The following ITSN1 variants were observed in gnomAD, a reference collection of about 807,000 sequenced individuals.
ITSN1 encodes the protein intersectin-1.
ITSN1 carries 58 observed loss-of-function variants against 239.8 expected under a neutral mutation model. The ratio of observed to expected loss-of-function variants is 0.24; its 90% CI spans 0.20 to 0.30. ITSN1 has a LOEUF of 0.30. Ranked by LOEUF, ITSN1 falls within the 10% of genes least tolerant of loss-of-function variation. ITSN1 has a pLI of 1.00. For synonymous variants in ITSN1, 780 were observed against 770.8 expected (o/e 1.01, Z -0.20); for missense variants, 1,558 against 2,103.3 (o/e 0.74, Z 5.07).
intron 1 of ITSN1, among the ~76,000 whole-genome samples, chr21:33,678,561 ACAG>A (rs2090737060): frequency 6.6e-6 from 1 of 152,180 alleles, no homozygotes; most frequent in East Asian, 1.9e-4. Context: ...CACTTTAATC[ACAG>A]CAGCTCAGCT....
intron 1 of ITSN1, among the ~76,000 whole-genome samples, chr21:33,692,118 C>T (rs1203314146): frequency 6.6e-6 from 1 of 152,164 alleles, no homozygotes; most frequent in East Asian, 1.9e-4. Context: ...AGGCTGAAGA[C>T]AGGAGGGGAC....
intron 20 of ITSN1, 94 bp downstream of exon 20, chr21:33,802,538 G>A: frequency 7.9e-7 from 1 of 1,271,106 alleles, no homozygotes; most frequent in South Asian, 1.2e-5. Flanking sequence ...CGTATCTCTG[G>A]GTGTTGTTGC....
At chr21:33,745,540 T>C (rs774870548) in intron 5 of ITSN1, among the ~76,000 whole-genome samples, 3 of 152,222 alleles carry the variant, frequency 2.0e-5, no homozygotes, top group Non-Finnish European at 4.4e-5. Flanking sequence ...GCTTCAGATA[T>C]GAAGCAGAAG....
intron 1 of ITSN1, among the ~76,000 whole-genome samples, chr21:33,697,621 CTA>C (rs1188024340): frequency 2.0e-5 from 3 of 152,090 alleles, no homozygotes; most frequent in Non-Finnish European, 4.4e-5. Flanking sequence ...TAATTTGAAT[CTA>C]TTCCATAACT....
rs959417352 is a variant in ITSN1, at chr21:33,756,304, A to G, written c.724+907A>G. Among the ~76,000 whole-genome samples the G allele has an allele frequency of 1.5e-3, 232 of 151,580 alleles. 1 individual carries two copies. The highest frequency in any genetic ancestry group is 5.0e-3 in the African/African-American group (206 of 41,452). On this transcript the variant is annotated intron_variant, in intron 8 of 39. Transcript: ENST00000381318. ...CTCCGTCTCAAAAAAAAAAAAAAAA[A>G]AAAGAAAGTTATAAAGAAAAGCATA...
chr21:33,705,106 G>A (rs1228059233), intron 1 of ITSN1, among the ~76,000 whole-genome samples: 12 of 108,086 alleles, frequency 1.1e-4, no homozygotes, highest in African/African-American at 3.9e-4. Context: ...GCAAGACTCC[G>A]TCTCAAAAAA....
At chr21:33,704,896 G>A (rs1196724370) in intron 1 of ITSN1, among the ~76,000 whole-genome samples, 2 of 140,682 alleles carry the variant, frequency 1.4e-5, no homozygotes, top group Admixed American at 1.5e-4. Context: ...AGACCATCCT[G>A]GCTAACATGG....
At chr21:33,840,750 G>T (rs563979839) in intron 29 of ITSN1, among the ~76,000 whole-genome samples, 1 of 152,072 alleles carries the variant, frequency 6.6e-6, no homozygotes, top group East Asian at 1.9e-4. Flanking sequence ...CACCCACCTC[G>T]GCCTCCCAAA....
intron 1 of ITSN1, among the ~76,000 whole-genome samples, chr21:33,690,847 T>TAAA (rs755469647): frequency 3.8e-4 from 19 of 49,410 alleles, no homozygotes; most frequent in African/African-American, 1.3e-3. Context: ...ATGTAAAAGT[T>TAAA]AAAAAAAAAA....
rs534407662 is a variant in ITSN1, at chr21:33,779,759, A to G, written c.1597-1702A>G. On this transcript the variant is annotated intron_variant, in intron 14 of 39. Transcript: ENST00000381318. ...TTTGAAATTTGAGATTTGTAAAGGA[A>G]AAAGTACCAGAAGTTGATTGCTGGA... Among the ~76,000 whole-genome samples, 19 of 152,382 alleles carry G rather than the reference A, an allele frequency of 1.2e-4. No homozygotes were observed. In the East Asian group the frequency reaches 3.5e-3, roughly 28 times the overall value.
At chr21:33,734,405 TA>T (rs930963859) in intron 4 of ITSN1, among the ~76,000 whole-genome samples, 5 of 152,208 alleles carry the variant, frequency 3.3e-5, no homozygotes, top group African/African-American at 1.2e-4. Flanking sequence ...TTTTGTAAGC[TA>T]ACTTACAAAA....
chr21:33,736,583 C>G (rs1293971610), intron 5 of ITSN1, among the ~76,000 whole-genome samples: 2 of 152,228 alleles, frequency 1.3e-5, no homozygotes, highest in Non-Finnish European at 2.9e-5. Context: ...AGTGTGTGCT[C>G]ACAATGTTTA....
At chr21:33,876,844 C>T (rs1365996581) in intron 34 of ITSN1, among the ~76,000 whole-genome samples, 3 of 152,102 alleles carry the variant, frequency 2.0e-5, no homozygotes, top group African/African-American at 7.2e-5. Context: ...TATACTCCAG[C>T]CTGGGCAACA....
At chr21:33,750,076 G>T (rs1294545497) in intron 5 of ITSN1, 67 bp from the exon 6 acceptor site, 31 of 1,421,946 alleles carry the variant, frequency 2.2e-5, no homozygotes, top group Non-Finnish European at 3.0e-5. Flanking sequence ...GCAGTACTGG[G>T]TTAATTATTA....
At chr21:33,659,404 G>T (rs1353703126) in intron 1 of ITSN1, among the ~76,000 whole-genome samples, 1 of 152,142 alleles carries the variant, frequency 6.6e-6, no homozygotes, top group African/African-American at 2.4e-5. Flanking sequence ...CCCTAAATTT[G>T]TAGTCAGCCT....
chr21:33,856,587 C>G, intron 29 of ITSN1, 149 bp from the exon 30 acceptor site: 1 of 993,396 alleles, frequency 1.0e-6, no homozygotes, highest in Non-Finnish European at 1.5e-6. Context: ...AGGGCTTCCA[C>G]ATATTACTGG....
intron 25 of ITSN1, among the ~76,000 whole-genome samples, chr21:33,826,179 T>C (rs1157675258): frequency 2.0e-5 from 3 of 152,198 alleles, no homozygotes. Flanking sequence ...GGAAGAAATA[T>C]GCTCTGCCTC....
At chr21:33,878,926 G>A (rs1274125289) in intron 34 of ITSN1, among the ~76,000 whole-genome samples, 2 of 152,172 alleles carry the variant, frequency 1.3e-5, no homozygotes, top group Non-Finnish European at 2.9e-5. Context: ...TTTACAACAA[G>A]ATGTGAGGGG....
At chr21:33,856,625 A>C in intron 29 of ITSN1, 111 bp from the exon 30 acceptor site, 1 of 1,497,022 alleles carries the variant, frequency 6.7e-7, no homozygotes, top group Non-Finnish European at 9.2e-7. Flanking sequence ...CCATGACCCC[A>C]CTGGACTGGA....
Sources: allele counts gnomAD v4.1 joint callset (sites outside exome capture counted in the v4.1 genomes callset), GRCh38; gene constraint gnomAD v4.1.1; transcripts MANE v1.5; gene names NCBI Gene and HGNC (gene_info 2026-07-23, HGNC 2026-07-21).